The following TRPM3 variants were observed in gnomAD, a reference collection of about 807,000 sequenced individuals.
TRPM3 encodes the protein long transient receptor potential channel 3.
In TRPM3, 77 loss-of-function variants were observed where a neutral mutation model predicts 181.2. That is an observed-to-expected ratio of 0.42 (90% confidence interval 0.35 to 0.51). TRPM3 has a LOEUF of 0.51. Among genes scored for constraint, TRPM3 ranks in the 20% least tolerant of loss-of-function variants. The pLI, the probability that TRPM3 is intolerant of heterozygous loss-of-function variation, is 0.01. For synonymous variants in TRPM3, 745 were observed against 796.4 expected, an observed-to-expected ratio of 0.94 and a Z score of 1.09; for missense variants, 1,759 against 2,196.7, an observed-to-expected ratio of 0.80 and a Z score of 3.98.
intron 1 of TRPM3, among the ~76,000 whole-genome samples, chr9:71,085,290 T>C (rs1013053945): frequency 3.9e-5 from 6 of 151,964 alleles, no homozygotes; most frequent in African/African-American, 1.4e-4. Context: ...GGGACCTAAC[T>C]AAACTATAGA....
intron 1 of TRPM3, among the ~76,000 whole-genome samples, chr9:71,140,944 A>G (rs1565269111): frequency 1.3e-5 from 2 of 152,210 alleles, no homozygotes; most frequent in Non-Finnish European, 2.9e-5. Context: ...GGACTCTATT[A>G]TATTCAAATG....
At chr9:71,062,657 A>G (rs1343142112) in intron 1 of TRPM3, among the ~76,000 whole-genome samples, 1 of 152,042 alleles carries the variant, frequency 6.6e-6, no homozygotes, top group African/African-American at 2.4e-5. Context: ...TCCTCAACCC[A>G]ACAGTGTTGA....
intron 1 of TRPM3, among the ~76,000 whole-genome samples, chr9:71,028,987 T>G (rs669048): frequency 0.23 from 34,912 of 152,142 alleles, 4,734 homozygotes; most frequent in East Asian, 0.33. Context: ...TTCTTTTCAT[T>G]GCCACATGGC....
At chr9:70,868,857 T>TAAATTC (rs1273098523) in intron 1 of TRPM3, 2 of 294,372 alleles carry the variant, frequency 6.8e-6, no homozygotes, top group Non-Finnish European at 1.0e-5. Context: ...CCAAAGGTAC[T>TAAATTC]AAATTCATAA....
At chr9:70,688,540 G>A (rs527860745) in intron 8 of TRPM3, among the ~76,000 whole-genome samples, 1 of 152,228 alleles carries the variant, frequency 6.6e-6, no homozygotes, top group South Asian at 2.1e-4. Context: ...AAACATACCA[G>A]ACTTGGTTTT....
chr9:70,837,126 T>C (rs1347008198), intron 5 of TRPM3, among the ~76,000 whole-genome samples: 1 of 152,174 alleles, frequency 6.6e-6, no homozygotes, highest in East Asian at 1.9e-4. Flanking sequence ...TCTTATCTAA[T>C]CTAATCGTAA....
rs142744585 is a variant in TRPM3, at chr9:71,302,562, G to A, written c.183+144091C>T. Among the ~76,000 whole-genome samples the A allele has an allele frequency of 6.2e-3, 945 of 152,302 alleles. 3 individuals carry two copies. Among genetic ancestry groups the A allele is most frequent in the Middle Eastern group, 0.01 (3 of 294 alleles). ...AGTTGAGGCATCCATTGGTTCAAGC[G>A]AAAGGTAGAATGCAGCAAATACAAT... On this transcript the variant is annotated intron_variant, in intron 1 of 24. Coordinates refer to the TRPM3 transcript ENST00000357533.
At position 70,760,509 on chromosome 9, in the gene TRPM3, C is replaced by T. The variant is rs139772634; in HGVS notation, c.1272+1092G>A. ...ACCGTGTGCCCCACCCGCTCGCTGG[C>T]TTCTATATATGGGGCAGCCAGACTG... On this transcript the variant is annotated intron_variant, in intron 8 of 25. Transcript: ENST00000677713. Among the ~76,000 whole-genome samples, 45 of 150,524 alleles carry T rather than the reference C, an allele frequency of 3.0e-4. No individual in the cohort carries two copies. The East Asian group carries it at 8.0e-3, about 27-fold the overall frequency.
At chr9:70,833,274 A>G (rs940318650) in intron 5 of TRPM3, among the ~76,000 whole-genome samples, 1 of 152,210 alleles carries the variant, frequency 6.6e-6, no homozygotes, top group Admixed American at 6.5e-5. Flanking sequence ...TTTTCCAAAC[A>G]GAATTGAATT....
At chr9:70,831,851 G>T (rs2131763551) in intron 5 of TRPM3, among the ~76,000 whole-genome samples, 1 of 150,170 alleles carries the variant, frequency 6.7e-6, no homozygotes, top group Non-Finnish European at 1.5e-5. Context: ...GAATGTAACT[G>T]AATTATTTGT....
chr9:70,954,905 C>G (rs1377365911), intron 1 of TRPM3, among the ~76,000 whole-genome samples: 1 of 152,070 alleles, frequency 6.6e-6, no homozygotes, highest in African/African-American at 2.4e-5. Context: ...AGAAAAGCAG[C>G]CTTCAATCTC....
chr9:70,755,058 A>G (rs943346647), intron 8 of TRPM3, among the ~76,000 whole-genome samples: 13 of 152,152 alleles, frequency 8.5e-5, no homozygotes, highest in Non-Finnish European at 1.9e-4. Context: ...TTATAGTTAT[A>G]CTGTAATTTT....
chr9:70,626,452 C>T (rs2064631630), intron 12 of TRPM3, among the ~76,000 whole-genome samples: 1 of 152,074 alleles, frequency 6.6e-6, no homozygotes, highest in Non-Finnish European at 1.5e-5. Context: ...AAGGACCCAC[C>T]CAGGATGCTG....
intron 1 of TRPM3, among the ~76,000 whole-genome samples, chr9:71,343,025 T>C (rs1426008599): frequency 6.6e-6 from 1 of 152,082 alleles, no homozygotes; most frequent in Non-Finnish European, 1.5e-5. Context: ...TAAATATGCT[T>C]ATTTTTGCCA....
intron 1 of TRPM3, among the ~76,000 whole-genome samples, chr9:71,372,589 T>C (rs1035452664): frequency 6.6e-6 from 1 of 152,222 alleles, no homozygotes; most frequent in East Asian, 1.9e-4. Flanking sequence ...TTAATTTGCA[T>C]TTCTGTAATA....
At chr9:71,234,185 A>G (rs1329256713) in intron 1 of TRPM3, among the ~76,000 whole-genome samples, 2 of 152,188 alleles carry the variant, frequency 1.3e-5, no homozygotes, top group Non-Finnish European at 2.9e-5. Context: ...GCAACCCTCT[A>G]TATAGAGCTG....
intron 1 of TRPM3, among the ~76,000 whole-genome samples, chr9:71,139,225 A>G (rs1216810876): frequency 6.6e-6 from 1 of 152,232 alleles, no homozygotes; most frequent in African/African-American, 2.4e-5. Flanking sequence ...ACAGCATATT[A>G]GATACGTTTT....
chr9:70,923,661 T>G (rs1361279779), intron 1 of TRPM3, among the ~76,000 whole-genome samples: 1 of 151,958 alleles, frequency 6.6e-6, no homozygotes, highest in African/African-American at 2.4e-5. Context: ...CAAATGTGTT[T>G]CCTAAGAACT....
chr9:71,263,380 T>G (rs1458359265), intron 1 of TRPM3, among the ~76,000 whole-genome samples: 1 of 152,204 alleles, frequency 6.6e-6, no homozygotes, highest in Non-Finnish European at 1.5e-5. Context: ...CTGTTTATTT[T>G]GCTTAAAATT....
Sources: allele counts gnomAD v4.1 joint callset (sites outside exome capture counted in the v4.1 genomes callset), GRCh38; gene constraint gnomAD v4.1.1; transcripts MANE v1.5; gene names NCBI Gene and HGNC (gene_info 2026-07-23, HGNC 2026-07-21).